The following LRRTM4 variants were observed in gnomAD, a reference collection of about 807,000 sequenced individuals.
LRRTM4 encodes leucine-rich repeat transmembrane neuronal protein 4.
A neutral mutation model predicts 47.6 loss-of-function variants in LRRTM4; 25 were observed. That is an observed-to-expected ratio of 0.53 (90% CI 0.38 to 0.73). LRRTM4 has a LOEUF of 0.73. Ranked by LOEUF, LRRTM4 falls within the 30% of genes least tolerant of loss-of-function variation. The probability of loss-of-function intolerance (pLI) is 0.00; values close to 1 mark genes in which losing one functional copy is unlikely to be tolerated. For missense variants in LRRTM4, 638 were observed against 713.4 expected, an observed-to-expected ratio of 0.89 and a Z score of 1.20; for synonymous variants, 311 against 269.5, an observed-to-expected ratio of 1.15 and a Z score of -1.51.
At chr2:76,845,017 T>C (rs1400847) in intron 3 of LRRTM4, among the ~76,000 whole-genome samples, 64,577 of 151,936 alleles carry the variant, frequency 0.43, 15,380 homozygotes, top group East Asian at 0.73. Flanking sequence ...AGCAAATCCC[T>C]GCCACAAAAA....
At chr2:76,845,262 A>G (rs1671805268) in intron 3 of LRRTM4, among the ~76,000 whole-genome samples, 1 of 152,254 alleles carries the variant, frequency 6.6e-6, no homozygotes, top group Non-Finnish European at 1.5e-5. Flanking sequence ...AGGCTGAGGT[A>G]GGAGGATCAC....
intron 3 of LRRTM4, among the ~76,000 whole-genome samples, chr2:77,337,092 C>T (rs937296498): frequency 9.9e-5 from 15 of 151,986 alleles, no homozygotes; most frequent in Non-Finnish European, 2.1e-4. Context: ...AAGCTGAGAA[C>T]CAATTTAAGA....
chr2:77,066,192 G>A (rs985244469), intron 3 of LRRTM4, among the ~76,000 whole-genome samples: 2 of 152,140 alleles, frequency 1.3e-5, no homozygotes, highest in East Asian at 1.9e-4. Context: ...ATAAATTCCT[G>A]GTTCTATTAA....
At chr2:77,320,308 T>TA (rs1410223639) in intron 3 of LRRTM4, among the ~76,000 whole-genome samples, 2 of 152,174 alleles carry the variant, frequency 1.3e-5, no homozygotes, top group Non-Finnish European at 2.9e-5. Context: ...AACTGGTACA[T>TA]ACGAGTTATG....
In LRRTM4 at chr2:77,083,783, C is replaced by CTTTTTTT. The variant is rs386390525; in HGVS notation, c.1552-334874_1552-334868dup. Among the ~76,000 whole-genome samples, 177 of 52,390 alleles carry CTTTTTTT rather than the reference C, an allele frequency of 3.4e-3. 35 individuals carry two copies. The highest frequency in any genetic ancestry group is 5.3e-3 in the Non-Finnish European group (125 of 23,542). The allele number at this position is 52,390 out of a possible 152,430, so 34.4% of individuals were successfully genotyped here. ...ACTTCTCAATTTTTAACTGGACACA[C>CTTTTTTT]TTTTTTTTTTTTTTTTTTTTTTTTT... On this transcript the variant is annotated intron_variant, in intron 3 of 3. Coordinates refer to ENST00000409884, the MANE Select transcript of LRRTM4 (RefSeq NM_001134745.3).
chr2:77,146,197 C>T (rs1672258129), intron 3 of LRRTM4, among the ~76,000 whole-genome samples: 3 of 152,098 alleles, frequency 2.0e-5, no homozygotes, highest in Non-Finnish European at 4.4e-5. Flanking sequence ...ATATAAGGTC[C>T]TTTTCTCCAT....
At chr2:76,782,490 T>C (rs1479136271) in intron 3 of LRRTM4, among the ~76,000 whole-genome samples, 3 of 152,192 alleles carry the variant, frequency 2.0e-5, no homozygotes, top group Non-Finnish European at 1.5e-5. Context: ...TTGAGCTCAC[T>C]GCAATAGCAA....
chr2:76,952,465 A>C (rs955061955), intron 3 of LRRTM4, among the ~76,000 whole-genome samples: 4 of 152,068 alleles, frequency 2.6e-5, no homozygotes, highest in African/African-American at 9.7e-5. Context: ...TCATCAGAGA[A>C]AGGCAAGTCA....
At chr2:76,814,309 A>C (rs1670834199) in intron 3 of LRRTM4, among the ~76,000 whole-genome samples, 1 of 152,200 alleles carries the variant, frequency 6.6e-6, no homozygotes, top group African/African-American at 2.4e-5. Flanking sequence ...TGTTACAACA[A>C]GAGAGTTAAA....
chr2:77,418,632 C>T (rs1674740854), intron 3 of LRRTM4, among the ~76,000 whole-genome samples: 1 of 152,146 alleles, frequency 6.6e-6, no homozygotes, highest in African/African-American at 2.4e-5. Flanking sequence ...TCTCTTTCAC[C>T]TTCTGCTTTT....
chr2:77,501,633 T>C (rs1312339369), intron 3 of LRRTM4, among the ~76,000 whole-genome samples: 1 of 150,884 alleles, frequency 6.6e-6, no homozygotes, highest in Non-Finnish European at 1.5e-5. Context: ...TATAGAATAA[T>C]TTATATATAA....
At position 76,974,207 on chromosome 2, in the gene LRRTM4, T is replaced by C. The variant is rs79427861; in HGVS notation, c.1552-225291A>G. Among the ~76,000 whole-genome samples, 636 of 83,000 alleles carry C rather than the reference T, an allele frequency of 7.7e-3. 5 individuals carry two copies. Among genetic ancestry groups the C allele is most frequent in the Middle Eastern group, 0.012 (2 of 162 alleles). 54.5% of individuals were successfully genotyped at this position (83,000 alleles called of 152,430 possible). On this transcript the variant is annotated intron_variant, in intron 3 of 3. Transcript: ENST00000409884. ...ACATACATATATATACATATATATATATACACATATATATACATACATATA... is the reference window on the plus strand; with the variant it reads ...ACATACATATATATACATATATATACATACACATATATATACATACATATA...
chr2:77,375,443 A>T (rs892023919), intron 3 of LRRTM4, among the ~76,000 whole-genome samples: 1 of 151,734 alleles, frequency 6.6e-6, no homozygotes, highest in Non-Finnish European at 1.5e-5. Flanking sequence ...CTGTTTTGTG[A>T]TAAGAAGCCT....
chr2:77,005,317 G>T (rs913202437), intron 3 of LRRTM4, among the ~76,000 whole-genome samples: 7 of 152,070 alleles, frequency 4.6e-5, no homozygotes, highest in Non-Finnish European at 1.0e-4. Flanking sequence ...GCTAACTTTT[G>T]TAATTTTAGT....
At chr2:76,782,962 T>A (rs1046012036) in intron 3 of LRRTM4, among the ~76,000 whole-genome samples, 2 of 152,172 alleles carry the variant, frequency 1.3e-5, no homozygotes, top group African/African-American at 4.8e-5. Context: ...ATTCAAAGAT[T>A]GTAGATTTCT....
At chr2:77,209,002 C>G (rs929230868) in intron 3 of LRRTM4, among the ~76,000 whole-genome samples, 5 of 152,020 alleles carry the variant, frequency 3.3e-5, no homozygotes, top group Non-Finnish European at 1.5e-5. Flanking sequence ...AATTTCACCC[C>G]TTATCTAACC....
intron 3 of LRRTM4, among the ~76,000 whole-genome samples, chr2:77,177,374 C>G (rs893963549): frequency 5.3e-5 from 8 of 152,096 alleles, no homozygotes; most frequent in African/African-American, 1.9e-4. Flanking sequence ...TAGAATGTGT[C>G]TTAGGACCAC....
intron 3 of LRRTM4, among the ~76,000 whole-genome samples, chr2:76,888,029 C>CTG (rs922369375): frequency 1.3e-5 from 2 of 149,440 alleles, no homozygotes; most frequent in South Asian, 4.2e-4. Context: ...TCTGCACACA[C>CTG]TGTGTGTGTG....
chr2:76,843,505 C>T (rs1357838328), intron 3 of LRRTM4, among the ~76,000 whole-genome samples: 1 of 152,122 alleles, frequency 6.6e-6, no homozygotes, highest in Admixed American at 6.6e-5. Flanking sequence ...GGGCCTAAAT[C>T]CCAGTTCTCA....
Sources: allele counts gnomAD v4.1 joint callset (sites outside exome capture counted in the v4.1 genomes callset), GRCh38; gene constraint gnomAD v4.1.1; transcripts MANE v1.5; gene names NCBI Gene and HGNC (gene_info 2026-07-23, HGNC 2026-07-21).